DHCR24: variants seen among roughly 807,000 people sequenced by gnomAD.
DHCR24 encodes delta(24)-sterol reductase.
DHCR24 carries 28 observed loss-of-function variants against 61.2 expected under a neutral mutation model. The observed-to-expected ratio is 0.46, with a 90% CI of 0.34 to 0.63. The LOEUF is 0.63. Among genes scored for constraint, DHCR24 ranks in the 20% least tolerant of loss-of-function variants. DHCR24 has a pLI of 0.01. For synonymous variants in DHCR24, 261 were observed against 275.9 expected, an observed-to-expected ratio of 0.95 and a Z score of 0.54; for missense variants, 538 against 679.1, an observed-to-expected ratio of 0.79 and a Z score of 2.31.
At chr1:54,853,633 G>C in intron 7 of DHCR24, 21 bp from the exon 8 acceptor site, 1 of 1,607,936 alleles carries the variant, frequency 6.2e-7, no homozygotes, top group South Asian at 1.1e-5. Context: ...CAGGGAGGTG[G>C]GTATTGGTGC....
chr1:54,873,942 A>C (rs1647013035), intron 4 of DHCR24, among the ~76,000 whole-genome samples: 1 of 151,818 alleles, frequency 6.6e-6, no homozygotes, highest in African/African-American at 2.4e-5. Flanking sequence ...GAGCCACTGC[A>C]CCCAGCCTTG....
chr1:54,849,644 TTTTA>T lies in DHCR24; in HGVS notation c.*2585_*2588del, dbSNP rs774592645. The T allele has an allele frequency of 2.0e-5, 3 of 152,646 alleles. No individual in the cohort carries two copies. The highest frequency in any genetic ancestry group is 4.8e-5 in the African/African-American group (2 of 41,468). 9.5% of individuals were successfully genotyped at this position (152,646 alleles called of 1,614,324 possible). A position where few individuals can be genotyped will look rare whatever the true frequency, so the allele number is the denominator to read the frequency against. ...CGACAAACGCCAGCTTCCAGGCCAC[TTTTA>T]TTTAAACAGAAGCAGCGGCCCCACA... On this transcript the variant is annotated 3_prime_UTR_variant, in exon 9 of 9. Coordinates refer to ENST00000371269, the MANE Select transcript of DHCR24 (RefSeq NM_014762.4).
intron 7 of DHCR24, 125 bp downstream of exon 7, chr1:54,853,912 C>A: frequency 1.0e-6 from 1 of 998,644 alleles, no homozygotes; most frequent in East Asian, 2.6e-5. Context: ...ACAAGGACCT[C>A]ATCTTAAAGT....
intron 2 of DHCR24, among the ~76,000 whole-genome samples, chr1:54,880,284 G>T (rs1208268296): frequency 6.6e-6 from 1 of 152,120 alleles, no homozygotes; most frequent in East Asian, 1.9e-4. Context: ...AACCCAAGAA[G>T]AAATAAATAA....
At chr1:54,878,192 G>GA (rs35447971) in intron 2 of DHCR24, among the ~76,000 whole-genome samples, 77,462 of 151,486 alleles carry the variant, frequency 0.51, 21,026 homozygotes, top group South Asian at 0.7. Context: ...TGAAGCCAGG[G>GA]AAAAAACTGC....
At position 54,887,132 on chromosome 1, in the gene DHCR24, C is replaced by T. The variant is rs941913432; in HGVS notation, c.-13G>A. On this transcript the variant is annotated 5_prime_UTR_variant, in exon 1 of 9. Coordinates refer to ENST00000371269, the MANE Select transcript of DHCR24 (RefSeq NM_014762.4). ...CGGCGGGCTCCATGGTGCGGCGCCG[C>T]GCGGTAAGCGCTGCGGGTTCGCGCC... 1 of 1,555,200 alleles carries T rather than the reference C, an allele frequency of 6.4e-7. No homozygotes were observed. Among genetic ancestry groups the T allele is most frequent in the East Asian group, 2.4e-5 (1 of 41,920 alleles).
intron 6 of DHCR24, among the ~76,000 whole-genome samples, chr1:54,855,671 C>T (rs1323490554): frequency 6.6e-6 from 1 of 152,220 alleles, no homozygotes; most frequent in African/African-American, 2.4e-5. Context: ...GACCCTTTCC[C>T]TCACTCCTCT....
chr1:54,870,291 C>T lies in DHCR24; in HGVS notation c.876+1059G>A, dbSNP rs1398177193. Among the ~76,000 whole-genome samples, 6 of 151,730 alleles carry T rather than the reference C, an allele frequency of 4.0e-5. No individual in the cohort carries two copies. The East Asian group carries it at 5.8e-4, about 15-fold the overall frequency. Reference sequence around the variant, plus strand: ...GAAGAATGCACACAAAACTGTTATACGTAAGTGGTTACACCCTGGCGTAAA... The same window carrying T: ...GAAGAATGCACACAAAACTGTTATATGTAAGTGGTTACACCCTGGCGTAAA... On this transcript the variant is annotated intron_variant, in intron 5 of 8. Transcript: ENST00000371269.
chr1:54,859,253 G>A (rs1646923288), intron 6 of DHCR24, among the ~76,000 whole-genome samples: 1 of 152,064 alleles, frequency 6.6e-6, no homozygotes, highest in African/African-American at 2.4e-5. Flanking sequence ...TCCAGCCCCA[G>A]TCAAGCCTCC....
At chr1:54,862,675 T>G (rs994516172) in intron 6 of DHCR24, among the ~76,000 whole-genome samples, 3 of 152,170 alleles carry the variant, frequency 2.0e-5, no homozygotes, top group African/African-American at 7.2e-5. Context: ...CAACCTCCAC[T>G]GAACTCCTGA....
rs608458 is a variant in DHCR24, at chr1:54,871,277, C to G, written c.876+73G>C. The G allele has an allele frequency of 0.66, 1,052,404 of 1,590,470 alleles. 352,469 individuals carry two copies. Among genetic ancestry groups the G allele is most frequent in the South Asian group, 0.78 (69,956 of 89,258 alleles). ...AGAGGTGGCTGCCAGGGTCAGGATA[C>G]GGGAACCGGCTCAGTCCTAGCACAC... is the stretch of plus-strand genomic sequence containing the variant. On this transcript the variant is annotated intron_variant, in intron 5 of 8. Transcript: ENST00000371269.
intron 7 of DHCR24, 134 bp downstream of exon 7, chr1:54,853,903 C>T (rs1646892197): frequency 1.4e-5 from 13 of 952,176 alleles, no homozygotes; most frequent in Admixed American, 2.0e-5. Context: ...GACATAGGGA[C>T]AAGGACCTCA....
chr1:54,869,604 CAGAG>C (rs1425314143), intron 5 of DHCR24, among the ~76,000 whole-genome samples: 1 of 151,676 alleles, frequency 6.6e-6, no homozygotes, highest in Non-Finnish European at 1.5e-5. Context: ...CACACACACA[CAGAG>C]AAATAGGTCT....
intron 2 of DHCR24, among the ~76,000 whole-genome samples, chr1:54,878,782 T>C (rs1000598907): frequency 1.3e-5 from 2 of 151,990 alleles, no homozygotes; most frequent in African/African-American, 2.4e-5. Flanking sequence ...TCAAAATTTA[T>C]AGGAACATAA....
At chr1:54,875,360 C>T (rs941429364) in intron 3 of DHCR24, 149 bp from the exon 4 acceptor site, 14 of 742,918 alleles carry the variant, frequency 1.9e-5, no homozygotes, top group African/African-American at 3.4e-5. Flanking sequence ...TCCCACCTGT[C>T]AATCTAGAGA....
chr1:54,883,491 C>T lies in DHCR24; in HGVS notation c.387+127G>A. The T allele has an allele frequency of 8.4e-7, 1 of 1,188,312 alleles. No individual in the cohort carries two copies. The highest frequency in any genetic ancestry group is 1.3e-6 in the Non-Finnish European group (1 of 799,162). The allele number at this position is 1,188,312 out of a possible 1,614,324, so 73.6% of individuals were successfully genotyped here. A position where few individuals can be genotyped will look rare whatever the true frequency, so the allele number is the denominator to read the frequency against. On this transcript the variant is annotated intron_variant, in intron 2 of 8. Transcript: ENST00000371269. This position sits in a 1 kb window ranked among gnomAD's most constrained non-coding sequence, Gnocchi z 4.3. ...GGACAGCAATGGCAGGGAGTATCTT[C>T]TATGACTGTGGGCATTGGTCCTGTC...
chr1:54,852,109 G>T lies in DHCR24; in HGVS notation c.*124C>A. The T allele has an allele frequency of 8.4e-7, 1 of 1,188,562 alleles. No homozygotes were observed. Among genetic ancestry groups the T allele is most frequent in the Non-Finnish European group, 1.2e-6 (1 of 839,468 alleles). The allele number at this position is 1,188,562 out of a possible 1,614,324, so 73.6% of individuals were successfully genotyped here. A position where few individuals can be genotyped will look rare whatever the true frequency, so the allele number is the denominator to read the frequency against. ...GCCAGGAGGAAGGTGGTGTTGGGCT[G>T]TCAGGGTGGGAGTTCTGGAGGGGTT... On this transcript the variant is annotated 3_prime_UTR_variant, in exon 9 of 9. Coordinates refer to ENST00000371269, the MANE Select transcript of DHCR24 (RefSeq NM_014762.4).
intron 8 of DHCR24, 94 bp from the exon 9 acceptor site, chr1:54,852,480 G>A (rs1646881549): frequency 7.2e-7 from 1 of 1,395,232 alleles, no homozygotes; most frequent in African/African-American, 1.4e-5. Flanking sequence ...GCCCAGAAAA[G>A]GCTTTTGGAG....
chr1:54,875,541 G>C (rs1196514286), intron 3 of DHCR24, among the ~76,000 whole-genome samples: 1 of 152,058 alleles, frequency 6.6e-6, no homozygotes, highest in African/African-American at 2.4e-5. Context: ...GGGGTTGAAG[G>C]GGTGACAGGA....
Sources: gnomAD v4.1 joint callset for allele counts (sites outside exome capture counted in the v4.1 genomes callset) on GRCh38, gnomAD v4.1.1 for gene constraint, Gnocchi (gnomAD v3.1) non-coding constraint, MANE v1.5 for transcripts, NCBI Gene and HGNC (gene_info 2026-07-23, HGNC 2026-07-21) for gene names.